Variants in GALNT14 observed in about 807,000 individuals in gnomAD.
GALNT14 encodes the protein polypeptide N-acetylgalactosaminyltransferase 14.
In GALNT14, 60 loss-of-function variants were observed where a neutral mutation model predicts 77.5. That is an observed-to-expected ratio of 0.77 (90% CI 0.63 to 0.96). GALNT14 has a LOEUF of 0.96. GALNT14 is among the 40% of genes least tolerant of loss of function. The pLI is 0.00. For synonymous variants in GALNT14, 280 were observed against 281.7 expected (o/e 0.99, Z 0.06); for missense variants, 710 against 731.0 (o/e 0.97, Z 0.33).
chr2:31,105,830 T>C (rs796621642), intron 1 of GALNT14, among the ~76,000 whole-genome samples: 19 of 152,266 alleles, frequency 1.2e-4, no homozygotes, highest in African/African-American at 4.6e-4. Flanking sequence ...AAGAAAAAAA[T>C]GTATGTATAT....
intron 1 of GALNT14, among the ~76,000 whole-genome samples, chr2:30,997,848 T>C (rs1670133201): frequency 6.6e-6 from 1 of 152,240 alleles, no homozygotes; most frequent in South Asian, 2.1e-4. Flanking sequence ...AAGTCTCTGT[T>C]CTGGCTATTT....
intron 3 of GALNT14, among the ~76,000 whole-genome samples, chr2:30,962,048 G>A (rs557405620): frequency 7.9e-5 from 12 of 152,088 alleles, no homozygotes; most frequent in East Asian, 5.8e-4. Context: ...TAAGCCCTCC[G>A]GGAGCTTCTG....
intron 2 of GALNT14, among the ~76,000 whole-genome samples, chr2:30,987,643 G>C (rs759237740): frequency 6.6e-6 from 1 of 152,066 alleles, no homozygotes; most frequent in Admixed American, 6.5e-5. Context: ...CCACACCGCC[G>C]GTGCATCTGG....
chr2:30,958,956 C>G (rs1257069084), intron 3 of GALNT14, among the ~76,000 whole-genome samples: 1 of 152,164 alleles, frequency 6.6e-6, no homozygotes, highest in African/African-American at 2.4e-5. Flanking sequence ...ACTGACAGCC[C>G]CCCAGGGGCT....
At chr2:30,956,121 G>C in intron 4 of GALNT14, 144 bp from the exon 5 acceptor site, 1 of 768,542 alleles carries the variant, frequency 1.3e-6, no homozygotes, top group East Asian at 2.6e-5. Context: ...CCTGACTCCA[G>C]GGTGTTTCCA....
At chr2:31,086,261 A>G (rs1354891291) in intron 1 of GALNT14, among the ~76,000 whole-genome samples, 1 of 152,160 alleles carries the variant, frequency 6.6e-6, no homozygotes, top group Non-Finnish European at 1.5e-5. Context: ...ACTTGCGGCT[A>G]CCCTCTAAGA....
At chr2:30,904,197 C>G in the GALNT14 span, among the ~76,000 whole-genome samples, 4 of 152,132 alleles carry the variant, frequency 2.6e-5, no homozygotes, top group African/African-American at 9.7e-5. Context: ...AACCCCTGAT[C>G]TGGGGAGGAG....
intron 8 of GALNT14, among the ~76,000 whole-genome samples, chr2:30,944,588 C>T (rs146633779): frequency 6.6e-6 from 1 of 152,214 alleles, no homozygotes; most frequent in East Asian, 1.9e-4. Flanking sequence ...CGTTGGGCTC[C>T]GACATTAGCA....
intron 9 of GALNT14, among the ~76,000 whole-genome samples, chr2:30,937,417 A>T (rs1005444237): frequency 1.3e-4 from 20 of 152,240 alleles, no homozygotes; most frequent in Admixed American, 3.9e-4. Flanking sequence ...AGGTGTCAAC[A>T]GGATGGCTTC....
chr2:31,053,447 C>T (rs904840567), intron 1 of GALNT14, among the ~76,000 whole-genome samples: 12 of 152,134 alleles, frequency 7.9e-5, no homozygotes, highest in Middle Eastern at 6.8e-3. Context: ...TTTCCCCACC[C>T]GCCCTGTCAT....
chr2:31,057,676 C>T (rs1273965235), intron 1 of GALNT14, among the ~76,000 whole-genome samples: 2 of 152,072 alleles, frequency 1.3e-5, no homozygotes, highest in Non-Finnish European at 2.9e-5. Context: ...AACACTAACT[C>T]AGCTTAGTGA....
chr2:30,987,661 A>G (rs575627440), intron 2 of GALNT14, among the ~76,000 whole-genome samples: 1 of 151,956 alleles, frequency 6.6e-6, no homozygotes, highest in East Asian at 1.9e-4. Context: ...TGGGGATTCA[A>G]TCAGCACAGC....
At chr2:30,928,240 A>G (rs994951024) in intron 11 of GALNT14, among the ~76,000 whole-genome samples, 1 of 152,184 alleles carries the variant, frequency 6.6e-6, no homozygotes, top group Non-Finnish European at 1.5e-5. Context: ...GGATCAACCT[A>G]TGAATTTAGG....
intron 1 of GALNT14, among the ~76,000 whole-genome samples, chr2:31,127,021 A>T (rs1165748367): frequency 6.6e-6 from 1 of 152,228 alleles, no homozygotes. Context: ...GTCAGGAGCC[A>T]CACACTCAGT....
intron 4 of GALNT14, among the ~76,000 whole-genome samples, chr2:30,956,207 CT>C (rs1382967701): frequency 6.6e-6 from 1 of 152,196 alleles, no homozygotes; most frequent in Non-Finnish European, 1.5e-5. Flanking sequence ...AACTGGGCCA[CT>C]TTGGAACAGG....
intron 1 of GALNT14, among the ~76,000 whole-genome samples, chr2:31,093,473 G>A (rs1479503240): frequency 6.6e-6 from 1 of 152,188 alleles, no homozygotes. Flanking sequence ...CCAGCCTTGG[G>A]AATCTAAGGT....
At chr2:30,976,083 C>T (rs1274941330) in intron 2 of GALNT14, among the ~76,000 whole-genome samples, 1 of 152,196 alleles carries the variant, frequency 6.6e-6, no homozygotes, top group Non-Finnish European at 1.5e-5. Context: ...TGAATTATGA[C>T]AAGCCTTTGA....
At chr2:31,090,424 T>A (rs760397420) in intron 1 of GALNT14, among the ~76,000 whole-genome samples, 2 of 151,416 alleles carry the variant, frequency 1.3e-5, no homozygotes, top group Non-Finnish European at 2.9e-5. Flanking sequence ...GCAGCGCATC[T>A]GACGCACCTG....
intron 6 of GALNT14, among the ~76,000 whole-genome samples, chr2:30,952,650 A>G (rs1217785968): frequency 6.7e-6 from 1 of 148,786 alleles, no homozygotes; most frequent in African/African-American, 2.5e-5. Context: ...CGGGAGATAT[A>G]CCTAATGCTA....
Sources: gnomAD v4.1 joint callset for allele counts (sites outside exome capture counted in the v4.1 genomes callset) on GRCh38, gnomAD v4.1.1 for gene constraint, MANE v1.5 for transcripts, NCBI Gene and HGNC (gene_info 2026-07-23, HGNC 2026-07-21) for gene names.